GREM2: variants seen among roughly 807,000 people sequenced by gnomAD.
The protein encoded by GREM2 is gremlin 2, DAN family BMP antagonist, also known as gremlin-2.
GREM2 carries 11 observed loss-of-function variants against 14.2 expected under a neutral mutation model. The ratio of observed to expected loss-of-function variants is 0.78; its 90% CI spans 0.49 to 1.28. GREM2 has a LOEUF of 1.28. Ranked by LOEUF, GREM2 falls within the 50% of genes most tolerant of loss-of-function variation. The pLI is 0.00. For missense variants in GREM2, 210 were observed against 218.5 expected (o/e 0.96, Z 0.24); for synonymous variants, 98 against 97.6 (o/e 1.00, Z -0.02).
chr1:240,576,775 A>G (rs1044132787), intron 1 of GREM2, among the ~76,000 whole-genome samples: 3 of 152,204 alleles, frequency 2.0e-5, no homozygotes. Context: ...AATTTCAGAT[A>G]CTCCAATTAG....
intron 1 of GREM2, among the ~76,000 whole-genome samples, chr1:240,573,814 A>T (rs1473923971): frequency 1.3e-5 from 2 of 152,176 alleles, no homozygotes; most frequent in African/African-American, 2.4e-5. Flanking sequence ...GACCTTCCAT[A>T]GCCTGAGTTG....
At position 240,554,279 on chromosome 1, in the gene GREM2, C is replaced by T. The variant is rs369805976; in HGVS notation, c.-2+57605G>A. ...TACAAAAATTAGCCGGGTGTGGTAG[C>T]GGGAGCCGGTAATCCCAGCTACTCG... On this transcript the variant is annotated intron_variant, in intron 1 of 1. Transcript: ENST00000318160. Among the ~76,000 whole-genome samples the T allele has an allele frequency of 1.7e-4, 26 of 151,680 alleles. No individual in the cohort carries two copies. In the South Asian group the frequency reaches 4.6e-3, roughly 27 times the overall value.
chr1:240,547,466 C>A (rs1678757742), intron 1 of GREM2, among the ~76,000 whole-genome samples: 1 of 146,226 alleles, frequency 6.8e-6, no homozygotes, highest in African/African-American at 2.5e-5. Context: ...CACCGCTGCA[C>A]TCCAGCCTGG....
At chr1:240,497,827 A>G (rs1442721296) in intron 1 of GREM2, among the ~76,000 whole-genome samples, 1 of 152,116 alleles carries the variant, frequency 6.6e-6, no homozygotes, top group Non-Finnish European at 1.5e-5. Context: ...CTCAGCTTAC[A>G]TAGCTTATTA....
At chr1:240,505,565 CT>C (rs1677658457) in intron 1 of GREM2, among the ~76,000 whole-genome samples, 1 of 151,780 alleles carries the variant, frequency 6.6e-6, no homozygotes. Flanking sequence ...CTATTTTGCC[CT>C]CTTTTTTCAG....
intron 1 of GREM2, among the ~76,000 whole-genome samples, chr1:240,566,962 G>C (rs1679184622): frequency 1.3e-5 from 2 of 152,104 alleles, no homozygotes; most frequent in Non-Finnish European, 2.9e-5. Context: ...ACATTGAAAA[G>C]TCATTATAAT....
chr1:240,513,241 A>G (rs1344548639), intron 1 of GREM2, among the ~76,000 whole-genome samples: 1 of 152,172 alleles, frequency 6.6e-6, no homozygotes, highest in Non-Finnish European at 1.5e-5. Flanking sequence ...AAGAGCTAGC[A>G]TGAGAATGAA....
At chr1:240,552,727 A>G (rs1678877691) in intron 1 of GREM2, among the ~76,000 whole-genome samples, 1 of 152,228 alleles carries the variant, frequency 6.6e-6, no homozygotes, top group South Asian at 2.1e-4. Context: ...TTCATTAGGT[A>G]TAAATGCAGA....
intron 1 of GREM2, among the ~76,000 whole-genome samples, chr1:240,571,657 C>A (rs1572404018): frequency 6.6e-6 from 1 of 151,960 alleles, no homozygotes; most frequent in Admixed American, 6.6e-5. Context: ...AAGATGGCAC[C>A]ATTGCACTCC....
intron 1 of GREM2, among the ~76,000 whole-genome samples, chr1:240,503,130 T>C (rs906359160): frequency 4.6e-5 from 7 of 152,170 alleles, no homozygotes; most frequent in African/African-American, 1.7e-4. Context: ...AGCAACTGGA[T>C]TCTTGATTAT....
At position 240,525,607 on chromosome 1, in the gene GREM2, T is replaced by C. The variant is rs962821721; in HGVS notation, c.-1-32131A>G. 8.6e-5 allele frequency among the ~76,000 whole-genome samples: 13 copies of C among 151,648 alleles called. No homozygotes were observed. In the South Asian group the frequency reaches 2.5e-3, roughly 29 times the overall value. On this transcript the variant is annotated intron_variant, in intron 1 of 1. Transcript: ENST00000318160. Reference sequence around the variant, plus strand: ...GACTTTGGTGCCTCAGCCTCCCGAGTAGTTGGGATTCCAGGTGTGCACCAC... The same window carrying C: ...GACTTTGGTGCCTCAGCCTCCCGAGCAGTTGGGATTCCAGGTGTGCACCAC...
At chr1:240,499,160 T>C (rs1677507583) in intron 1 of GREM2, among the ~76,000 whole-genome samples, 1 of 152,208 alleles carries the variant, frequency 6.6e-6, no homozygotes, top group Non-Finnish European at 1.5e-5. Flanking sequence ...ACAATAAAAC[T>C]TCCTGATTTC....
chr1:240,608,679 G>A (rs565694413), intron 1 of GREM2, among the ~76,000 whole-genome samples: 21 of 152,268 alleles, frequency 1.4e-4, no homozygotes, highest in African/African-American at 4.8e-4. Flanking sequence ...TAAAAGAAAG[G>A]GAAATTGAGT....
At chr1:240,595,448 C>T (rs1054679110) in intron 1 of GREM2, among the ~76,000 whole-genome samples, 1 of 152,218 alleles carries the variant, frequency 6.6e-6, no homozygotes, top group Non-Finnish European at 1.5e-5. Flanking sequence ...CCTGCACCCC[C>T]TCCTCCTGGG....
chr1:240,549,089 A>G (rs77567654), intron 1 of GREM2, among the ~76,000 whole-genome samples: 43,193 of 151,936 alleles, frequency 0.28, 6,265 homozygotes, highest in East Asian at 0.39. Context: ...GTAATCCAGC[A>G]CTTTGGGAGG....
At chr1:240,547,861 C>T (rs1234828795) in intron 1 of GREM2, among the ~76,000 whole-genome samples, 2 of 151,704 alleles carry the variant, frequency 1.3e-5, no homozygotes, top group Admixed American at 6.6e-5. Flanking sequence ...AGAGAAAATG[C>T]TGACTAGCCA....
At chr1:240,585,028 T>C (rs1273176772) in intron 1 of GREM2, among the ~76,000 whole-genome samples, 1 of 152,118 alleles carries the variant, frequency 6.6e-6, no homozygotes, top group South Asian at 2.1e-4. Flanking sequence ...AAGATGACAT[T>C]AAAAATGAAG....
At chr1:240,610,879 G>A (rs886385981) in intron 1 of GREM2, among the ~76,000 whole-genome samples, 1 of 152,156 alleles carries the variant, frequency 6.6e-6, no homozygotes, top group African/African-American at 2.4e-5. Context: ...AGACTGCAAA[G>A]CAAGACCAAT....
At chr1:240,526,608 C>A (rs1678227587) in intron 1 of GREM2, among the ~76,000 whole-genome samples, 3 of 152,144 alleles carry the variant, frequency 2.0e-5, no homozygotes, top group South Asian at 4.1e-4. Flanking sequence ...TTTAAATATT[C>A]TATTACTGAT....
Sources: gnomAD v4.1 joint callset for allele counts (sites outside exome capture counted in the v4.1 genomes callset) on GRCh38, gnomAD v4.1.1 for gene constraint, MANE v1.5 for transcripts, NCBI Gene and HGNC (gene_info 2026-07-23, HGNC 2026-07-21) for gene names.